WDPCP: variants seen among roughly 807,000 people sequenced by gnomAD.
WDPCP encodes WD repeat containing planar cell polarity effector, also known as WD repeat-containing and planar cell polarity effector protein fritz homolog.
Under a neutral mutation model 93.1 loss-of-function variants are expected in WDPCP, and 71 were observed. That is an observed-to-expected ratio of 0.76 (90% CI 0.63 to 0.93). The LOEUF is 0.93. Ranked by LOEUF, WDPCP falls within the 40% of genes least tolerant of loss-of-function variation. The probability of loss-of-function intolerance (pLI) is 0.00; values close to 1 mark genes in which losing one functional copy is unlikely to be tolerated. For synonymous variants in WDPCP, 315 were observed against 315.0 expected (o/e 1.00, Z 0.00); for missense variants, 844 against 887.4 (o/e 0.95, Z 0.62).
chr2:63,430,949 A>G (rs755813588), intron 9 of WDPCP, among the ~76,000 whole-genome samples: 1 of 152,226 alleles, frequency 6.6e-6, no homozygotes, highest in East Asian at 1.9e-4. Context: ...TCTAATATCC[A>G]TAAAATAATT....
At chr2:63,606,158 G>C (rs1709524537) in intron 3 of WDPCP, 1 of 852,500 alleles carries the variant, frequency 1.2e-6, no homozygotes, top group Non-Finnish European at 2.0e-6. Flanking sequence ...AAGGTGGCAA[G>C]ATTGCTTGAG....
intron 1 of WDPCP, among the ~76,000 whole-genome samples, chr2:63,506,376 T>C (rs1414678336): frequency 2.6e-5 from 4 of 151,244 alleles, no homozygotes; most frequent in Non-Finnish European, 4.4e-5. Flanking sequence ...CAAGAAAAGA[T>C]GGGGGATTGA....
intron 1 of WDPCP, among the ~76,000 whole-genome samples, chr2:63,516,995 AC>A (rs1702595787): frequency 6.6e-6 from 1 of 151,324 alleles, no homozygotes; most frequent in African/African-American, 2.4e-5. Context: ...AAAAACAAAA[AC>A]CTACCCTTTG....
intron 12 of WDPCP, chr2:63,369,033 CAT>C (rs1575247571): frequency 6.5e-6 from 1 of 153,904 alleles, no homozygotes; most frequent in African/African-American, 2.4e-5. Context: ...CAAAAATCAT[CAT>C]ATCTCTCTTA....
At chr2:63,306,872 G>A (rs528743142) in intron 13 of WDPCP, among the ~76,000 whole-genome samples, 1 of 152,282 alleles carries the variant, frequency 6.6e-6, no homozygotes, top group African/African-American at 2.4e-5. Context: ...ATTCAACATA[G>A]TGATGGAAGT....
intron 13 of WDPCP, among the ~76,000 whole-genome samples, chr2:63,295,880 C>CAAAAAAA (rs59418675): frequency 8.7e-6 from 1 of 115,252 alleles, no homozygotes; most frequent in Non-Finnish European, 1.8e-5. Flanking sequence ...GAAACTATTC[C>CAAAAAAA]AAAAAAAAAA....
Position 63,555,202 on chromosome 2 carries a change from T to C in WDPCP, c.75+32995A>G, listed in dbSNP as rs538199760. ...GACACGGGAGGAATTCCTCACAGCATAGCACAGTGCCTGTGGCAGATTGTG... is the reference window on the plus strand; with the variant it reads ...GACACGGGAGGAATTCCTCACAGCACAGCACAGTGCCTGTGGCAGATTGTG... On this transcript the variant is annotated intron_variant, in intron 1 of 17. Coordinates refer to ENST00000272321, the MANE Select transcript of WDPCP (RefSeq NM_015910.7). Among the ~76,000 whole-genome samples, 7 of 152,330 alleles carry C rather than the reference T, an allele frequency of 4.6e-5. No individual in the cohort carries two copies. In the South Asian group the frequency reaches 1.0e-3, roughly 23 times the overall value.
At chr2:63,302,148 C>T (rs183090402) in intron 13 of WDPCP, among the ~76,000 whole-genome samples, 102 of 152,284 alleles carry the variant, frequency 6.7e-4, no homozygotes, top group Admixed American at 3.0e-3. Context: ...AATTTTCTAA[C>T]GACTCTGATA....
chr2:63,626,843 G>A (rs1709815784), intron 3 of WDPCP, among the ~76,000 whole-genome samples: 1 of 152,076 alleles, frequency 6.6e-6, no homozygotes, highest in Admixed American at 6.6e-5. Context: ...AAGGATAGGG[G>A]AGGGATACCA....
intron 2 of WDPCP, among the ~76,000 whole-genome samples, chr2:63,743,968 A>C (rs1380503871): frequency 6.6e-6 from 1 of 152,162 alleles, no homozygotes; most frequent in Non-Finnish European, 1.5e-5. Context: ...TGGCAGGGGC[A>C]ACTTATACAC....
intron 14 of WDPCP, among the ~76,000 whole-genome samples, chr2:63,243,269 T>G (rs917180731): frequency 3.3e-5 from 5 of 152,186 alleles, no homozygotes; most frequent in African/African-American, 1.2e-4. Context: ...TGGTTTTGAT[T>G]TGCATCTCTC....
chr2:63,758,541 T>G (rs1009787088), intron 2 of WDPCP, among the ~76,000 whole-genome samples: 6 of 152,118 alleles, frequency 3.9e-5, no homozygotes, highest in Admixed American at 1.3e-4. Flanking sequence ...TGGGCTCAAG[T>G]GATCCTCCCA....
intron 9 of WDPCP, among the ~76,000 whole-genome samples, chr2:63,422,040 T>C (rs1695903855): frequency 6.6e-6 from 1 of 152,212 alleles, no homozygotes; most frequent in African/African-American, 2.4e-5. Context: ...TCTCCAACTC[T>C]TTCTACTGAA....
At chr2:63,443,445 G>C (rs1253355585) in intron 6 of WDPCP, among the ~76,000 whole-genome samples, 1 of 152,178 alleles carries the variant, frequency 6.6e-6, no homozygotes, top group African/African-American at 2.4e-5. Context: ...GTTCGAGGCA[G>C]AGAGAAGAGC....
intron 14 of WDPCP, among the ~76,000 whole-genome samples, chr2:63,236,750 T>C (rs1373129635): frequency 3.9e-5 from 6 of 152,038 alleles, no homozygotes; most frequent in Non-Finnish European, 1.5e-5. Context: ...ATATAATAAA[T>C]GATGCTGGGA....
At position 63,284,892 on chromosome 2, in the gene WDPCP, C is replaced by T. The variant is rs536133989; in HGVS notation, c.1813-25483G>A. Reference sequence around the variant, plus strand: ...TAAGAGGGGACTATTGTATTTTAAGCCCTAGAACAAGCATTTGCACATGGA... The same window carrying T: ...TAAGAGGGGACTATTGTATTTTAAGTCCTAGAACAAGCATTTGCACATGGA... On this transcript the variant is annotated intron_variant, in intron 13 of 17. Transcript: ENST00000272321. Among the ~76,000 whole-genome samples, 81 of 152,084 alleles carry T rather than the reference C, an allele frequency of 5.3e-4. 1 individual carries two copies. The highest frequency in any genetic ancestry group is 1.9e-3 in the African/African-American group (78 of 41,488).
At chr2:63,774,707 GA>G (rs1214799311) in intron 2 of WDPCP, among the ~76,000 whole-genome samples, 1 of 152,056 alleles carries the variant, frequency 6.6e-6, no homozygotes, top group Non-Finnish European at 1.5e-5. Context: ...GGCCAGCCTA[GA>G]ATAATCTTAG....
At chr2:63,452,138 G>A (rs937657343) in intron 6 of WDPCP, among the ~76,000 whole-genome samples, 3 of 152,208 alleles carry the variant, frequency 2.0e-5, no homozygotes, top group African/African-American at 4.8e-5. Context: ...ATTAGGAAAA[G>A]AGGAAGTCAA....
At chr2:63,774,512 TCCAG>T (rs1386655791) in intron 2 of WDPCP, among the ~76,000 whole-genome samples, 1 of 152,186 alleles carries the variant, frequency 6.6e-6, no homozygotes, top group Non-Finnish European at 1.5e-5. Context: ...AATCTTTATA[TCCAG>T]CCACCTCTCT....
Sources: allele counts gnomAD v4.1 joint callset (sites outside exome capture counted in the v4.1 genomes callset), GRCh38; gene constraint gnomAD v4.1.1; transcripts MANE v1.5; gene names NCBI Gene and HGNC (gene_info 2026-07-23, HGNC 2026-07-21).